PHLPP1: variants seen among roughly 807,000 people sequenced by gnomAD.
PHLPP1 encodes the protein PH domain leucine-rich repeat-containing protein phosphatase 1.
A neutral mutation model predicts 117.2 loss-of-function variants in PHLPP1; 42 were observed. That is an observed-to-expected ratio of 0.36 (90% confidence interval 0.28 to 0.46). The LOEUF is 0.46. Among genes scored for constraint, PHLPP1 ranks in the 20% least tolerant of loss-of-function variants. The pLI is 1.00. For missense variants in PHLPP1, 2,084 were observed against 2,241.9 expected, an observed-to-expected ratio of 0.93 and a Z score of 1.42; for synonymous variants, 1,042 against 970.7, an observed-to-expected ratio of 1.07 and a Z score of -1.37.
chr18:62,765,766 CG>C (rs1488135748), intron 1 of PHLPP1, among the ~76,000 whole-genome samples: 2 of 152,040 alleles, frequency 1.3e-5, no homozygotes, highest in African/African-American at 4.8e-5. Context: ...GAAGCCAAGG[CG>C]GGTGGATCAC....
intron 12 of PHLPP1, among the ~76,000 whole-genome samples, chr18:62,947,413 A>G (rs1157017733): frequency 6.6e-6 from 1 of 152,242 alleles, no homozygotes; most frequent in Non-Finnish European, 1.5e-5. Flanking sequence ...AACAAAATCC[A>G]AGAAATTTAT....
chr18:62,792,852 G>C lies in PHLPP1; in HGVS notation c.1577-37183G>C, dbSNP rs538945865. Among the ~76,000 whole-genome samples the C allele has an allele frequency of 1.8e-3, 249 of 139,218 alleles. 2 individuals carry two copies. The highest frequency in any genetic ancestry group is 7.9e-3 in the Middle Eastern group (2 of 254). The allele number at this position is 139,218 out of a possible 152,430, so 91.3% of individuals were successfully genotyped here. On this transcript the variant is annotated intron_variant, in intron 1 of 16. Coordinates refer to ENST00000262719, the MANE Select transcript of PHLPP1 (RefSeq NM_194449.4). Reference sequence around the variant, plus strand: ...CCACTGCACTCCAGCCTTGGTGAGAGAGCGAGCCTCTGTCTCAAAAAAAAA... The same window carrying C: ...CCACTGCACTCCAGCCTTGGTGAGACAGCGAGCCTCTGTCTCAAAAAAAAA...
chr18:62,928,620 AAC>A (rs1164117255), intron 10 of PHLPP1, among the ~76,000 whole-genome samples: 1 of 152,202 alleles, frequency 6.6e-6, no homozygotes, highest in African/African-American at 2.4e-5. Flanking sequence ...CAAATAATTA[AAC>A]ACAATATTAC....
intron 4 of PHLPP1, among the ~76,000 whole-genome samples, chr18:62,871,578 T>C (rs1392861971): frequency 6.6e-6 from 1 of 151,756 alleles, no homozygotes; most frequent in African/African-American, 2.4e-5. Flanking sequence ...TCTGACTGCC[T>C]CGGCCTCCGA....
At chr18:62,876,285 A>G (rs1026911621) in intron 4 of PHLPP1, among the ~76,000 whole-genome samples, 1 of 152,124 alleles carries the variant, frequency 6.6e-6, no homozygotes, top group African/African-American at 2.4e-5. Flanking sequence ...CTTGCCACTC[A>G]TCTTGCAAGA....
At chr18:62,742,642 G>C (rs1437765864) in intron 1 of PHLPP1, among the ~76,000 whole-genome samples, 1 of 152,168 alleles carries the variant, frequency 6.6e-6, no homozygotes, top group Non-Finnish European at 1.5e-5. Context: ...CACCGTGTTG[G>C]TCAGGCTGGT....
chr18:62,805,872 T>C (rs1913935510), intron 1 of PHLPP1, among the ~76,000 whole-genome samples: 1 of 151,954 alleles, frequency 6.6e-6, no homozygotes, highest in Non-Finnish European at 1.5e-5. Context: ...GCATATAGAT[T>C]GCCAGTGTTG....
At chr18:62,943,659 T>A (rs1184564533) in intron 11 of PHLPP1, among the ~76,000 whole-genome samples, 1 of 152,082 alleles carries the variant, frequency 6.6e-6, no homozygotes, top group African/African-American at 2.4e-5. Context: ...AGCGTGTGAA[T>A]TCTCTGATTA....
At chr18:62,744,384 G>C (rs1482722724) in intron 1 of PHLPP1, among the ~76,000 whole-genome samples, 1 of 152,216 alleles carries the variant, frequency 6.6e-6, no homozygotes, top group African/African-American at 2.4e-5. Context: ...TTTGCCTCAT[G>C]TTTTCTCCAA....
At chr18:62,842,155 G>A (rs562377822) in intron 3 of PHLPP1, among the ~76,000 whole-genome samples, 1 of 152,082 alleles carries the variant, frequency 6.6e-6, no homozygotes, top group Non-Finnish European at 1.5e-5. Flanking sequence ...CATCCTTGAT[G>A]GGTCAAATAA....
rs149427797 is a variant in PHLPP1, at chr18:62,896,030, T to C, written c.2444+19T>C. The stretch of plus-strand genomic sequence containing the variant: ...ATCTAAGGTAACCATTTTTGAGAAA[T>C]AGATCTCATTTGAGTGGCTGGCTTA... On this transcript the variant is annotated intron_variant, in intron 6 of 16. Transcript: ENST00000262719. 8,369 of 1,476,768 alleles carry C rather than the reference T, an allele frequency of 5.7e-3. 40 individuals are homozygous for C. Among genetic ancestry groups the C allele is most frequent in the Non-Finnish European group, 7.3e-3 (7,718 of 1,060,118 alleles). 91.5% of individuals were successfully genotyped at this position (1,476,768 alleles called of 1,614,324 possible).
In PHLPP1 at chr18:62,826,192, A is replaced by G; in HGVS notation, c.1577-3843A>G. The G allele has an allele frequency of 5.7e-6, 2 of 350,130 alleles. 1 individual carries two copies. The highest frequency in any genetic ancestry group is 4.5e-5 in the South Asian group (2 of 44,404). The allele number at this position is 350,130 out of a possible 1,614,324, so 21.7% of individuals were successfully genotyped here. ...TTTCTGGAGGTCCATTGCTTTCATC[A>G]TATTTTTAAGGTAGCTTTATATGAC... On this transcript the variant is annotated intron_variant, in intron 1 of 16. Coordinates refer to ENST00000262719, the MANE Select transcript of PHLPP1 (RefSeq NM_194449.4).
chr18:62,856,634 A>G (rs1459115798), intron 3 of PHLPP1, among the ~76,000 whole-genome samples: 2 of 151,928 alleles, frequency 1.3e-5, no homozygotes, highest in Non-Finnish European at 1.5e-5. Context: ...TGGTCTCACT[A>G]TGTTGCCCAG....
At chr18:62,817,353 G>A (rs1024508933) in intron 1 of PHLPP1, among the ~76,000 whole-genome samples, 13 of 152,116 alleles carry the variant, frequency 8.5e-5, no homozygotes, top group African/African-American at 2.2e-4. Flanking sequence ...ATAAAAGAAA[G>A]CATTTGCATA....
intron 4 of PHLPP1, among the ~76,000 whole-genome samples, chr18:62,879,404 A>G (rs1050809979): frequency 8.9e-5 from 13 of 145,930 alleles, no homozygotes; most frequent in South Asian, 4.4e-4. Flanking sequence ...TATTCTGGAT[A>G]TGTGTGTGTG....
intron 7 of PHLPP1, among the ~76,000 whole-genome samples, chr18:62,904,946 G>C (rs1380328010): frequency 6.6e-6 from 1 of 152,216 alleles, no homozygotes; most frequent in Non-Finnish European, 1.5e-5. Flanking sequence ...TTTCAGATGT[G>C]ATACAGCCTG....
At chr18:62,926,286 A>T (rs1909626138) in intron 10 of PHLPP1, among the ~76,000 whole-genome samples, 1 of 152,200 alleles carries the variant, frequency 6.6e-6, no homozygotes, top group Non-Finnish European at 1.5e-5. Context: ...GTGGCCGATT[A>T]TGTAATCTTA....
intron 6 of PHLPP1, 107 bp downstream of exon 6, chr18:62,896,118 C>A: frequency 1.5e-6 from 1 of 658,456 alleles, no homozygotes; most frequent in Non-Finnish European, 2.6e-6. Flanking sequence ...TGAATGTGGG[C>A]CCGTTTTTCT....
chr18:62,763,485 C>T (rs1175794390), intron 1 of PHLPP1, among the ~76,000 whole-genome samples: 1 of 152,172 alleles, frequency 6.6e-6, no homozygotes, highest in Admixed American at 6.5e-5. Flanking sequence ...GCAAGTCATG[C>T]GAACACCTCA....
Sources: allele counts gnomAD v4.1 joint callset (sites outside exome capture counted in the v4.1 genomes callset), GRCh38; gene constraint gnomAD v4.1.1; transcripts MANE v1.5; gene names NCBI Gene and HGNC (gene_info 2026-07-23, HGNC 2026-07-21).